The following CCDC40 variants were observed in gnomAD, a reference collection of about 807,000 sequenced individuals.
The protein encoded by CCDC40 is coiled-coil domain 40 molecular ruler complex subunit.
In CCDC40, 104 loss-of-function variants were observed where a neutral mutation model predicts 124.5. That is an observed-to-expected ratio of 0.84 (90% CI 0.71 to 0.98). The LOEUF is 0.98. CCDC40 is among the 50% of genes least tolerant of loss of function. CCDC40 has a pLI of 0.00. For synonymous variants in CCDC40, 580 were observed against 602.9 expected (o/e 0.96, Z 0.56); for missense variants, 1,463 against 1,503.9 (o/e 0.97, Z 0.45).
intron 9 of CCDC40, among the ~76,000 whole-genome samples, chr17:80,064,984 G>C (rs781125279): frequency 4.6e-5 from 7 of 151,868 alleles, no homozygotes; most frequent in Admixed American, 3.9e-4. Flanking sequence ...GGTGTTTCAC[G>C]GATGCTGGCC....
intron 16 of CCDC40, chr17:80,089,461 C>T: frequency 2.6e-6 from 1 of 381,284 alleles, no homozygotes; most frequent in Non-Finnish European, 4.9e-6. Context: ...AAGTCAGCTT[C>T]TATCAATTAT....
At chr17:80,056,540 G>A (rs1480192373) in intron 7 of CCDC40, among the ~76,000 whole-genome samples, 1 of 152,116 alleles carries the variant, frequency 6.6e-6, no homozygotes, top group Non-Finnish European at 1.5e-5. Flanking sequence ...GGTGAACCCA[G>A]GAGGTTGAAG....
chr17:80,049,940 A>G lies in CCDC40; in HGVS notation c.890A>G (p.Asn297Ser), dbSNP rs1173961159. Residue 297 changes from asparagine (N) to serine (S), a missense_variant, in exon 6 of 20, where the codon AAC (asparagine) becomes AGC (serine). By Grantham distance (46) the Asn-to-Ser change is conservative. Transcript: ENST00000397545. The part of the protein sequence containing the change: ...LMVRFQAALK[N>S]YLNRQIEKLK... ...GTAAGATTCCAGGCTGCCCTGAAGA[A>G]CTACCTGAACCGACAGATCGAAAAG... 4 of 1,613,956 alleles carry G rather than the reference A, an allele frequency of 2.5e-6. No individual in the cohort carries two copies. Among genetic ancestry groups the G allele is most frequent in the African/African-American group, 1.3e-5 (1 of 74,890 alleles).
chr17:80,056,008 A>ATTTTTTTTTTTTTT (rs1242487948), intron 7 of CCDC40, among the ~76,000 whole-genome samples: 1 of 12,286 alleles, frequency 8.1e-5, no homozygotes, highest in African/African-American at 3.9e-4. Flanking sequence ...ATATATATAT[A>ATTTTTTTTTTTTTT]TATATATATT....
chr17:80,041,827 G>T (rs533734094), intron 3 of CCDC40, among the ~76,000 whole-genome samples: 1 of 152,080 alleles, frequency 6.6e-6, no homozygotes, highest in Non-Finnish European at 1.5e-5. Flanking sequence ...CTCTCAGTGC[G>T]TCCCACCAGG....
rs139502920 is a variant in CCDC40 at position 80,083,425 on chromosome 17, G to A, written c.1990-1318G>A. ...AGTGAGAGACATGGAGCCCACAGGC[G>A]TGGCGGGAGGAGAAGCTCAGATGGC... On this transcript the variant is annotated intron_variant, in intron 12 of 19. Transcript: ENST00000397545. Among the ~76,000 whole-genome samples the A allele has an allele frequency of 3.2e-3, 490 of 152,312 alleles. 1 individual carries two copies. Among genetic ancestry groups the A allele is most frequent in the African/African-American group, 0.011 (466 of 41,574 alleles).
At chr17:80,090,042 C>T in intron 17 of CCDC40, 158 bp downstream of exon 17, 1 of 1,534,264 alleles carries the variant, frequency 6.5e-7, no homozygotes, top group Non-Finnish European at 8.8e-7. Context: ...AGGGAGCGAC[C>T]CGCTCCAGCA....
rs551229620 is a variant in CCDC40, at chr17:80,087,839, C to T, written c.2619+63C>T. 3.6e-5 allele frequency: 54 copies of T among 1,482,012 alleles called. No individual in the cohort carries two copies. Among genetic ancestry groups the T allele is most frequent in the East Asian group, 2.7e-4 (12 of 44,210 alleles). 91.8% of individuals were successfully genotyped at this position (1,482,012 alleles called of 1,614,324 possible). A position where few individuals can be genotyped will look rare whatever the true frequency, so the allele number is the denominator to read the frequency against. ...ATGGAGGGCGGGGGTACGGTCCTTG[C>T]GGTGGGCGTTCTGCACCAGGATGTA... On this transcript the variant is annotated intron_variant, in intron 15 of 19. Transcript: ENST00000397545. The surrounding 1 kb of genome is among the most constrained non-coding windows in gnomAD (Gnocchi z 4.5).
chr17:80,050,128 A>G lies in CCDC40; in HGVS notation c.1004A>G (p.Gln335Arg). The G allele has an allele frequency of 6.2e-7, 1 of 1,613,680 alleles. No homozygotes were observed. The highest frequency in any genetic ancestry group is 8.5e-7 in the Non-Finnish European group (1 of 1,179,842). The change falls in exon 7 of 20, where the codon CAG (glutamine) becomes CGG (arginine). Residue 335 changes from glutamine to arginine, a missense_variant. Gln to Arg is a conservative substitution (Grantham distance 43). Coordinates refer to ENST00000397545, the MANE Select transcript of CCDC40 (RefSeq NM_017950.4). ...CTGGGGGTGAATCTCTATGAGGTGC[A>G]GCAGCACCTGGTACACCTGCAGAAG... is the stretch of plus-strand genomic sequence containing the variant. ...QELGVNLYEV[Q>R]QHLVHLQKLL...
intron 7 of CCDC40, among the ~76,000 whole-genome samples, chr17:80,053,685 CG>C (rs1217075653): frequency 3.3e-5 from 5 of 152,104 alleles, no homozygotes; most frequent in African/African-American, 1.2e-4. Context: ...CTCCACCTCC[CG>C]GGTTCAAGCG....
chr17:80,097,125 TG>T, intron 18 of CCDC40, 119 bp from the exon 19 acceptor site: 1 of 1,118,372 alleles, frequency 8.9e-7, no homozygotes, highest in Non-Finnish European at 1.4e-6. Context: ...CATTCCTCTT[TG>T]GGAGCCTCCC....
At chr17:80,090,409 G>A (rs1339465349) in intron 17 of CCDC40, 1 of 846,714 alleles carries the variant, frequency 1.2e-6, no homozygotes, top group Non-Finnish European at 1.7e-6. Context: ...AACAACACAG[G>A]ACACACACAG....
chr17:80,044,585 G>A (rs865809024), intron 3 of CCDC40, among the ~76,000 whole-genome samples: 1 of 151,932 alleles, frequency 6.6e-6, no homozygotes, highest in Middle Eastern at 3.2e-3. Context: ...TTAGGAGGCT[G>A]AGGCACAAGA....
At chr17:80,041,296 C>G (rs2037275404) in intron 3 of CCDC40, among the ~76,000 whole-genome samples, 2 of 151,768 alleles carry the variant, frequency 1.3e-5, no homozygotes, top group South Asian at 4.2e-4. Flanking sequence ...TCACTTGAGG[C>G]CAGGAGTTCG....
Position 80,090,350 on chromosome 17 carries a change from A to C in CCDC40, c.2832+466A>C. ...GCGCAGGCACGTGCACGAACAAGGG[A>C]CGCGCGCAGGCACGTGCACGAACAC... On this transcript the variant is annotated intron_variant, in intron 17 of 19. Transcript: ENST00000397545. 5.0e-6 allele frequency: 5 copies of C among 1,005,332 alleles called. 1 individual carries two copies. Among genetic ancestry groups the C allele is most frequent in the Admixed American group, 2.7e-5 (1 of 37,082 alleles). The allele number at this position is 1,005,332 out of a possible 1,614,324, so 62.3% of individuals were successfully genotyped here.
rs1598548804 is a variant in CCDC40, at chr17:80,090,608, GAC to G, written c.2832+726_2832+727del. ...GACCCTCTAACGTATCCCACTGTGA[GAC>G]AGTCTCACACCACAGAAGGGCTCAG... On this transcript the variant is annotated intron_variant, in intron 17 of 19. Transcript: ENST00000397545. The G allele has an allele frequency of 1.3e-5, 19 of 1,477,772 alleles. No homozygotes were observed. In the East Asian group the frequency reaches 4.7e-4, roughly 37 times the overall value. 91.5% of individuals were successfully genotyped at this position (1,477,772 alleles called of 1,614,324 possible). A position where few individuals can be genotyped will look rare whatever the true frequency, so the allele number is the denominator to read the frequency against.
rs779793965 is a variant in CCDC40, at chr17:80,081,593, A to G, written c.1610A>G (p.Tyr537Cys). The change falls in exon 11 of 20, where the codon TAT becomes TGT. Residue 537 changes from tyrosine (Y) to cysteine (C), a missense_variant. Tyr to Cys is a radical substitution (Grantham distance 194). Coordinates refer to ENST00000397545, the MANE Select transcript of CCDC40 (RefSeq NM_017950.4). ...AKSTDGEIEA[Y>C]KKSIMKEEEK... Reference sequence around the variant, plus strand: ...TCCACCGACGGCGAGATTGAGGCCTATAAGAAATCCATCATGAAGGAGGAA... The same window carrying G: ...TCCACCGACGGCGAGATTGAGGCCTGTAAGAAATCCATCATGAAGGAGGAA... The G allele has an allele frequency of 1.9e-6, 3 of 1,614,058 alleles. No homozygotes were observed. The highest frequency in any genetic ancestry group is 2.2e-5 in the South Asian group (2 of 91,090).
intron 12 of CCDC40, among the ~76,000 whole-genome samples, chr17:80,084,140 G>A (rs962176719): frequency 6.6e-6 from 1 of 152,312 alleles, no homozygotes; most frequent in Non-Finnish European, 1.5e-5. Flanking sequence ...TTTAAGAAGT[G>A]TGTTAGTCTG....
intron 18 of CCDC40, among the ~76,000 whole-genome samples, chr17:80,096,602 C>T (rs1188471881): frequency 6.6e-6 from 1 of 151,832 alleles, no homozygotes. Context: ...TGCTCCAAGC[C>T]ACACTCAAGT....
Sources: allele counts gnomAD v4.1 joint callset (sites outside exome capture counted in the v4.1 genomes callset), GRCh38; gene constraint gnomAD v4.1.1; non-coding constraint Gnocchi (gnomAD v3.1); transcripts MANE v1.5; gene names NCBI Gene and HGNC (gene_info 2026-07-23, HGNC 2026-07-21).